Variants in CDK8 observed in about 807,000 individuals in gnomAD.
CDK8 encodes cyclin dependent kinase 8.
CDK8 carries 29 observed loss-of-function variants against 71.5 expected under a neutral mutation model. That is an observed-to-expected ratio of 0.41 (90% CI 0.30 to 0.55). The LOEUF is 0.55. Ranked by LOEUF, CDK8 falls within the 20% of genes least tolerant of loss-of-function variation. The pLI is 0.37. For missense variants in CDK8, 288 were observed against 572.6 expected (o/e 0.50, Z 5.07); for synonymous variants, 161 against 192.1 (o/e 0.84, Z 1.34).
chr13:26,403,608 A>AT (rs1200994341), intron 12 of CDK8, among the ~76,000 whole-genome samples: 2 of 152,126 alleles, frequency 1.3e-5, no homozygotes, highest in Non-Finnish European at 2.9e-5. Context: ...TAAGCTTTGA[A>AT]TTTTTTATGT....
At chr13:26,263,345 C>T (rs1871865017) in intron 1 of CDK8, among the ~76,000 whole-genome samples, 1 of 152,142 alleles carries the variant, frequency 6.6e-6, no homozygotes, top group South Asian at 2.1e-4. Flanking sequence ...CCGTGTTAGC[C>T]AAGATGGTCT....
chr13:26,369,448 CAAAAAA>C (rs1162252506), intron 4 of CDK8, among the ~76,000 whole-genome samples: 4 of 46,680 alleles, frequency 8.6e-5, no homozygotes, highest in Non-Finnish European at 1.1e-4. Context: ...GACCCTGTCT[CAAAAAA>C]AAAAAAAAAA....
chr13:26,301,205 C>T (rs1208294198), intron 1 of CDK8, among the ~76,000 whole-genome samples: 2 of 139,474 alleles, frequency 1.4e-5, no homozygotes, highest in African/African-American at 5.4e-5. Context: ...CTGCCATTAT[C>T]AGTAGACTTT....
At chr13:26,291,296 T>G (rs1873288300) in intron 1 of CDK8, among the ~76,000 whole-genome samples, 1 of 152,140 alleles carries the variant, frequency 6.6e-6, no homozygotes. Context: ...CTGTGATGTT[T>G]GCACAACAGT....
At chr13:26,269,778 A>G (rs966980968) in intron 1 of CDK8, among the ~76,000 whole-genome samples, 2 of 152,142 alleles carry the variant, frequency 1.3e-5, no homozygotes, top group Non-Finnish European at 2.9e-5. Context: ...ATGTAGTGCA[A>G]TTAGGTTTTT....
intron 1 of CDK8, among the ~76,000 whole-genome samples, chr13:26,325,221 T>C (rs1874965269): frequency 1.3e-5 from 2 of 152,206 alleles, no homozygotes; most frequent in Admixed American, 1.3e-4. Context: ...TTAATAGTTC[T>C]AATAATCTTT....
At chr13:26,386,181 A>G (rs938464379) in intron 6 of CDK8, among the ~76,000 whole-genome samples, 1 of 152,212 alleles carries the variant, frequency 6.6e-6, no homozygotes, top group Non-Finnish European at 1.5e-5. Context: ...AATTAGTAAT[A>G]TCTTCATCAC....
chr13:26,290,267 C>T (rs1593242298), intron 1 of CDK8, among the ~76,000 whole-genome samples: 1 of 152,234 alleles, frequency 6.6e-6, no homozygotes, highest in East Asian at 1.9e-4. Context: ...CATGCTAATT[C>T]ACTTTTCAGA....
intron 1 of CDK8, among the ~76,000 whole-genome samples, chr13:26,314,788 C>T (rs1690112683): frequency 6.6e-6 from 1 of 152,116 alleles, no homozygotes; most frequent in African/African-American, 2.4e-5. Context: ...ATCTTTTCTC[C>T]ATATGTTTAT....
intron 1 of CDK8, among the ~76,000 whole-genome samples, chr13:26,333,752 A>G (rs1872859740): frequency 6.6e-6 from 1 of 152,192 alleles, no homozygotes; most frequent in African/African-American, 2.4e-5. Context: ...ATATGGGCAA[A>G]TATTCCACAA....
chr13:26,385,278 T>G lies in CDK8; in HGVS notation c.582T>G (p.Val194=), dbSNP rs1441220097. The G allele has an allele frequency of 6.2e-7, 1 of 1,613,450 alleles. No homozygotes were observed. Among genetic ancestry groups the G allele is most frequent in the Non-Finnish European group, 8.5e-7 (1 of 1,179,434 alleles). Residue 194 remains valine (V), a synonymous_variant, in exon 6 of 13, where the codon GTT becomes GTG. Transcript: ENST00000381527. ...CTTTAGCAGATTTGGATCCAGTGGT[T>G]GTTACATTCTGGTACCGAGCCCCTG... is the stretch of plus-strand genomic sequence containing the variant. ...LKPLADLDPV[V]VTFWYRAPEL...
At chr13:26,336,401 T>A (rs1872983897) in intron 1 of CDK8, among the ~76,000 whole-genome samples, 1 of 152,160 alleles carries the variant, frequency 6.6e-6, no homozygotes, top group African/African-American at 2.4e-5. Context: ...GTTCCCATTT[T>A]AAAATTTGTA....
At chr13:26,396,462 T>C in intron 8 of CDK8, 108 bp downstream of exon 8, 1 of 386,776 alleles carries the variant, frequency 2.6e-6, no homozygotes, top group Non-Finnish European at 4.7e-6. Flanking sequence ...ATTACTCTAA[T>C]AAATAATTTT....
chr13:26,290,686 C>T (rs1283703585), intron 1 of CDK8, among the ~76,000 whole-genome samples: 1 of 151,914 alleles, frequency 6.6e-6, no homozygotes, highest in Non-Finnish European at 1.5e-5. Context: ...AGTTGAGATA[C>T]TTCATCATTA....
chr13:26,342,468 A>C (rs1016641321), intron 2 of CDK8, among the ~76,000 whole-genome samples: 6 of 152,202 alleles, frequency 3.9e-5, no homozygotes, highest in Non-Finnish European at 7.3e-5. Flanking sequence ...TGTAGGACCC[A>C]AAACAAGTTA....
intron 1 of CDK8, among the ~76,000 whole-genome samples, chr13:26,290,129 A>C (rs1230685837): frequency 6.6e-6 from 1 of 152,212 alleles, no homozygotes; most frequent in Non-Finnish European, 1.5e-5. Context: ...GAAGTTGCTA[A>C]TTCTTAGCAT....
chr13:26,387,520 T>G (rs1875536648), intron 6 of CDK8, among the ~76,000 whole-genome samples: 1 of 151,858 alleles, frequency 6.6e-6, no homozygotes, highest in Non-Finnish European at 1.5e-5. Flanking sequence ...CAGGGAAGAG[T>G]CCTCCAACTT....
intron 7 of CDK8, 41 bp from the exon 8 acceptor site, chr13:26,396,243 AG>A (rs748719157): frequency 1.2e-6 from 1 of 839,050 alleles, no homozygotes; most frequent in Non-Finnish European, 1.8e-6. Context: ...TCTCAAGAAT[AG>A]GAACTTAGGC....
At chr13:26,373,145 G>A (rs888264620) in intron 4 of CDK8, among the ~76,000 whole-genome samples, 1 of 152,096 alleles carries the variant, frequency 6.6e-6, no homozygotes, top group Non-Finnish European at 1.5e-5. Context: ...ATCCTTAAAC[G>A]TCACCTCAGA....
Sources: gnomAD v4.1 joint callset for allele counts (sites outside exome capture counted in the v4.1 genomes callset) on GRCh38, gnomAD v4.1.1 for gene constraint, MANE v1.5 for transcripts, NCBI Gene and HGNC (gene_info 2026-07-23, HGNC 2026-07-21) for gene names.